KIAA1217: variants seen among roughly 807,000 people sequenced by gnomAD.
The protein encoded by KIAA1217 is sickle tail protein homolog.
Under a neutral mutation model 163.9 loss-of-function variants are expected in KIAA1217, and 88 were observed. The observed-to-expected ratio is 0.54, with a 90% CI of 0.45 to 0.64. The LOEUF (loss-of-function observed/expected upper bound fraction) is 0.64. KIAA1217 is among the 30% of genes least tolerant of loss of function. The probability of loss-of-function intolerance (pLI) is 0.00; values close to 1 mark genes in which losing one functional copy is unlikely to be tolerated. For missense variants in KIAA1217, 2,372 were observed against 2,475.0 expected (o/e 0.96, Z 0.88); for synonymous variants, 903 against 923.1 (o/e 0.98, Z 0.39).
intron 6 of KIAA1217, chr10:24,482,396 T>C (rs1230783854): frequency 6.6e-6 from 1 of 152,098 alleles, no homozygotes; most frequent in Non-Finnish European, 1.5e-5. Context: ...CAACTAGAAC[T>C]TCAAAGAGAA....
rs78593511 is a variant in KIAA1217, at chr10:23,707,370, C to T, written c.-321+12136C>T. On this transcript the variant is annotated intron_variant, in intron 1 of 18. Coordinates refer to the KIAA1217 transcript ENST00000376462. Reference sequence around the variant, plus strand: ...GAAGGAGAAAGTAAAAAGAACCAGGCTACCTGCGGCCTGGAAGTCTGGTGA... The same window carrying T: ...GAAGGAGAAAGTAAAAAGAACCAGGTTACCTGCGGCCTGGAAGTCTGGTGA... Among the ~76,000 whole-genome samples the T allele has an allele frequency of 1.7e-3, 264 of 152,250 alleles. 16 individuals carry two copies. In the East Asian group the frequency reaches 0.043, roughly 25 times the overall value.
At chr10:24,099,190 T>C (rs73604453) in intron 2 of KIAA1217, among the ~76,000 whole-genome samples, 4,660 of 151,452 alleles carry the variant, frequency 0.031, 239 homozygotes, top group African/African-American at 0.11. Flanking sequence ...GCAAAAACTT[T>C]TTTTTTTTTA....
intron 1 of KIAA1217, among the ~76,000 whole-genome samples, chr10:23,730,764 T>C (rs1488669254): frequency 2.0e-5 from 3 of 148,718 alleles, no homozygotes; most frequent in Admixed American, 1.3e-4. Context: ...ATATAAATGA[T>C]AATGTGTTTT....
chr10:24,471,439 C>T (rs1325803957), intron 5 of KIAA1217, among the ~76,000 whole-genome samples: 1 of 151,812 alleles, frequency 6.6e-6, no homozygotes, highest in Non-Finnish European at 1.5e-5. Context: ...TTGACCAAAG[C>T]AAAAATATAT....
At chr10:24,111,539 T>C (rs1419600682) in intron 2 of KIAA1217, among the ~76,000 whole-genome samples, 1 of 152,222 alleles carries the variant, frequency 6.6e-6, no homozygotes, top group African/African-American at 2.4e-5. Flanking sequence ...CTATCTAAAA[T>C]AGCTTAAAAT....
At chr10:23,717,352 A>G (rs1837633983) in intron 1 of KIAA1217, among the ~76,000 whole-genome samples, 1 of 152,128 alleles carries the variant, frequency 6.6e-6, no homozygotes, top group Non-Finnish European at 1.5e-5. Flanking sequence ...ATTACTGAGC[A>G]CGTACTATAG....
chr10:24,084,861 C>G (rs2061643865), intron 2 of KIAA1217, among the ~76,000 whole-genome samples: 1 of 151,722 alleles, frequency 6.6e-6, no homozygotes, highest in African/African-American at 2.4e-5. Context: ...ATTTTTATTA[C>G]TATCTCCTCT....
intron 1 of KIAA1217, among the ~76,000 whole-genome samples, chr10:23,735,756 G>A (rs974469718): frequency 1.3e-5 from 2 of 151,888 alleles, no homozygotes; most frequent in African/African-American, 4.8e-5. Flanking sequence ...CTTTCTTTGT[G>A]ATATCTTATT....
intron 2 of KIAA1217, among the ~76,000 whole-genome samples, chr10:24,095,812 A>G (rs1306785026): frequency 1.3e-5 from 2 of 152,188 alleles, no homozygotes; most frequent in Non-Finnish European, 2.9e-5. Context: ...AGATTGTCCA[A>G]AACTAAACTT....
intron 1 of KIAA1217, among the ~76,000 whole-genome samples, chr10:23,950,488 G>T (rs545681862): frequency 9.0e-6 from 1 of 111,134 alleles, no homozygotes; most frequent in African/African-American, 6.3e-5. Context: ...ACAGGGATAC[G>T]GGAGGGGAAA....
intron 5 of KIAA1217, among the ~76,000 whole-genome samples, chr10:24,468,652 G>A (rs1177087626): frequency 1.3e-5 from 2 of 152,288 alleles, no homozygotes; most frequent in African/African-American, 2.4e-5. Flanking sequence ...AAGACACACA[G>A]GATTAGCTCC....
intron 1 of KIAA1217, among the ~76,000 whole-genome samples, chr10:23,993,567 T>TTTTTTTTTTTTTTTTTTTTTTTTTTTC (rs1846324583): frequency 7.6e-6 from 1 of 132,244 alleles, no homozygotes; most frequent in African/African-American, 3.1e-5. Flanking sequence ...TTTTTTTTTT[T>TTTTTTTTTTTTTTTTTTTTTTTTTTTC]TTTTTTGAGA....
intron 2 of KIAA1217, among the ~76,000 whole-genome samples, chr10:24,198,311 A>T (rs2067083848): frequency 6.6e-6 from 1 of 152,176 alleles, no homozygotes. Context: ...CATAAAATGG[A>T]AATGTTTGGG....
At chr10:24,008,996 AC>A (rs1232629709) in intron 2 of KIAA1217, among the ~76,000 whole-genome samples, 1 of 152,196 alleles carries the variant, frequency 6.6e-6, no homozygotes, top group African/African-American at 2.4e-5. Context: ...CAAAGAGTCA[AC>A]CTTTTATGGA....
intron 1 of KIAA1217, among the ~76,000 whole-genome samples, chr10:23,798,899 A>G (rs1272257202): frequency 6.6e-6 from 1 of 152,234 alleles, no homozygotes; most frequent in Non-Finnish European, 1.5e-5. Context: ...ATGACAAAGT[A>G]CCACAAACAG....
chr10:23,987,340 G>A (rs1478014256), intron 1 of KIAA1217, among the ~76,000 whole-genome samples: 3 of 129,578 alleles, frequency 2.3e-5, no homozygotes, highest in Admixed American at 1.8e-4. Flanking sequence ...TTGCAACACC[G>A]CACTCCAGCC....
At chr10:23,818,346 A>G (rs1442622035) in intron 1 of KIAA1217, among the ~76,000 whole-genome samples, 2 of 97,628 alleles carry the variant, frequency 2.0e-5, no homozygotes, top group Admixed American at 1.0e-4. Flanking sequence ...ATATATATAT[A>G]AAAAAATATA....
chr10:23,743,029 G>A (rs993501552), intron 1 of KIAA1217, among the ~76,000 whole-genome samples: 1 of 152,162 alleles, frequency 6.6e-6, no homozygotes, highest in African/African-American at 2.4e-5. Flanking sequence ...AAAGTGATGG[G>A]TTGGATTGCC....
intron 2 of KIAA1217, among the ~76,000 whole-genome samples, chr10:24,016,924 A>T (rs562907106): frequency 2.2e-4 from 34 of 151,734 alleles, no homozygotes; most frequent in Admixed American, 1.8e-3. Flanking sequence ...CTATGATTTT[A>T]TTTGCTTGAA....
Sources: gnomAD v4.1 joint callset for allele counts (sites outside exome capture counted in the v4.1 genomes callset) on GRCh38, gnomAD v4.1.1 for gene constraint, MANE v1.5 for transcripts, NCBI Gene and HGNC (gene_info 2026-07-23, HGNC 2026-07-21) for gene names.